ANO4: variants seen among roughly 807,000 people sequenced by gnomAD.
The protein encoded by ANO4 is anoctamin-4.
ANO4 carries 69 observed loss-of-function variants against 141.9 expected under a neutral mutation model. The ratio of observed to expected loss-of-function variants is 0.49; its 90% CI spans 0.40 to 0.59. The LOEUF is 0.59. Among genes scored for constraint, ANO4 ranks in the 20% least tolerant of loss-of-function variants. ANO4 has a pLI of 0.00. For missense variants in ANO4, 894 were observed against 1,162.2 expected (o/e 0.77, Z 3.36); for synonymous variants, 350 against 394.3 (o/e 0.89, Z 1.33).
At chr12:101,067,014 A>AAAAG (rs1473890902) in intron 14 of ANO4, 28 of 580,300 alleles carry the variant, frequency 4.8e-5, no homozygotes, top group African/African-American at 3.6e-4. Context: ...AAAAAAAAAA[A>AAAAG]AAAGAAAGAA....
At chr12:100,859,221 C>T (rs1033053244) in intron 1 of ANO4, 3 of 152,152 alleles carry the variant, frequency 2.0e-5, no homozygotes, top group Non-Finnish European at 4.4e-5. Flanking sequence ...TATGACTTGA[C>T]TTGTTTTAGC....
intron 1 of ANO4, among the ~76,000 whole-genome samples, chr12:100,809,945 A>G (rs1454244452): frequency 1.3e-5 from 2 of 152,124 alleles, no homozygotes; most frequent in African/African-American, 2.4e-5. Flanking sequence ...TCATTCAACA[A>G]TCATTTATTA....
In ANO4 at chr12:100,864,952, C is replaced by G. The variant is rs187420441; in HGVS notation, c.-140-36694C>G. Among the ~76,000 whole-genome samples the G allele has an allele frequency of 7.2e-5, 11 of 152,186 alleles. No homozygotes were observed. In the East Asian group the frequency reaches 1.9e-3, roughly 27 times the overall value. ...AACATGCAGTGTTTGGTTTTCTGTT[C>G]CTGTGTTAGTTTGCTGAGAATGGTT... On this transcript the variant is annotated intron_variant, in intron 1 of 27. Transcript: ENST00000392977.
At chr12:100,922,396 A>G (rs751200728) in intron 3 of ANO4, 66 bp downstream of exon 3, 6 of 1,083,054 alleles carry the variant, frequency 5.5e-6, no homozygotes, top group Non-Finnish European at 6.4e-6. Context: ...TGGGAGGGGT[A>G]ATAAACTAGA....
chr12:101,101,266 TTA>T (rs2050175133), intron 22 of ANO4, among the ~76,000 whole-genome samples: 1 of 152,234 alleles, frequency 6.6e-6, no homozygotes, highest in Non-Finnish European at 1.5e-5. Flanking sequence ...TATTCTCCAT[TTA>T]AATGTAATTG....
intron 1 of ANO4, among the ~76,000 whole-genome samples, chr12:100,834,581 C>T (rs1031006232): frequency 3.3e-5 from 5 of 151,896 alleles, no homozygotes; most frequent in Admixed American, 1.3e-4. Flanking sequence ...TCTGAGGTGC[C>T]GTGTATATAG....
At chr12:100,959,444 T>C (rs1390070035) in intron 5 of ANO4, among the ~76,000 whole-genome samples, 2 of 152,116 alleles carry the variant, frequency 1.3e-5, no homozygotes, top group East Asian at 1.9e-4. Context: ...TCCGTTTCTC[T>C]TCTACACTTC....
At chr12:100,842,215 C>T (rs1397028218) in intron 1 of ANO4, 1 of 152,002 alleles carries the variant, frequency 6.6e-6, no homozygotes, top group Non-Finnish European at 1.5e-5. Context: ...TTTAGTTGAA[C>T]TTTTCTGACA....
intron 8 of ANO4, among the ~76,000 whole-genome samples, chr12:101,013,414 A>G (rs940523905): frequency 1.8e-4 from 28 of 152,168 alleles, no homozygotes; most frequent in African/African-American, 6.0e-4. Context: ...ACACACAACT[A>G]AAGTGGAAGA....
At position 100,979,914 on chromosome 12, in the gene ANO4, G is replaced by C. The variant is rs867959273; in HGVS notation, c.602+5025G>C. Among the ~76,000 whole-genome samples, 6 of 60,380 alleles carry C rather than the reference G, an allele frequency of 9.9e-5. 1 individual carries two copies. The highest frequency in any genetic ancestry group is 1.7e-4 in the Non-Finnish European group (5 of 28,986). 39.6% of individuals were successfully genotyped at this position (60,380 alleles called of 152,430 possible). ...AGCTGACTTTTTTTTTTTTTTTTTT[G>C]TATTTTTAGTAGAGGCAGGGTTTCA... On this transcript the variant is annotated intron_variant, in intron 7 of 27. Coordinates refer to ENST00000392977, the MANE Select transcript of ANO4 (RefSeq NM_001286615.2).
At chr12:101,041,612 A>T (rs1454061361) in intron 11 of ANO4, among the ~76,000 whole-genome samples, 2 of 152,220 alleles carry the variant, frequency 1.3e-5, no homozygotes, top group East Asian at 3.8e-4. Context: ...GCAAAGCCAA[A>T]CAGACGCCAA....
rs2051410288 is a variant in ANO4, at chr12:101,128,305, C to T, written c.*449C>T. The T allele has an allele frequency of 6.6e-6, 1 of 152,580 alleles. No homozygotes were observed. Among genetic ancestry groups the T allele is most frequent in the Admixed American group, 6.5e-5 (1 of 15,272 alleles). The allele number at this position is 152,580 out of a possible 1,614,324, so 9.5% of individuals were successfully genotyped here. A position where few individuals can be genotyped will look rare whatever the true frequency, so the allele number is the denominator to read the frequency against. On this transcript the variant is annotated 3_prime_UTR_variant, in exon 28 of 28. Coordinates refer to ENST00000392977, the MANE Select transcript of ANO4 (RefSeq NM_001286615.2). The stretch of plus-strand genomic sequence containing the variant: ...TCCTAATTCCATGTCACCAACAACA[C>T]AGACAAGACCCTGTTTACAACTTTT...
intron 1 of ANO4, among the ~76,000 whole-genome samples, chr12:100,894,093 A>G (rs1013613087): frequency 6.6e-6 from 1 of 152,146 alleles, no homozygotes; most frequent in African/African-American, 2.4e-5. Context: ...ATGCGCTTAA[A>G]CGCTCAGTTA....
rs115461132 is a variant in ANO4, at chr12:100,942,853, G to A, written c.456+318G>A. On this transcript the variant is annotated intron_variant, in intron 5 of 27. Coordinates refer to ENST00000392977, the MANE Select transcript of ANO4 (RefSeq NM_001286615.2). ...TATATGTAAATGGAGGGTTCTGTTC[G>A]CGTGGATTAAAGAAAACTTTGAGTG... is the stretch of plus-strand genomic sequence containing the variant. 1.5e-3 allele frequency among the ~76,000 whole-genome samples: 225 copies of A among 152,212 alleles called. 2 individuals carry two copies. Among genetic ancestry groups the A allele is most frequent in the African/African-American group, 5.1e-3 (210 of 41,540 alleles).
intron 1 of ANO4, among the ~76,000 whole-genome samples, chr12:100,816,704 A>G (rs1262686668): frequency 1.3e-5 from 2 of 151,980 alleles, no homozygotes; most frequent in Non-Finnish European, 2.9e-5. Flanking sequence ...GTAAAGGTGG[A>G]TGGTTTGGAT....
chr12:100,744,782 T>C (rs17030527), intron 3 of ANO4, among the ~76,000 whole-genome samples: 16,463 of 152,202 alleles, frequency 0.11, 1,157 homozygotes, highest in South Asian at 0.22. Flanking sequence ...ACTGACATTA[T>C]TTCTGCTCAA....
At chr12:100,995,916 G>A (rs1311116266) in intron 8 of ANO4, among the ~76,000 whole-genome samples, 1 of 152,216 alleles carries the variant, frequency 6.6e-6, no homozygotes, top group Non-Finnish European at 1.5e-5. Flanking sequence ...CAGAGCCAGG[G>A]CTCTGGAGCC....
intron 1 of ANO4, among the ~76,000 whole-genome samples, chr12:100,856,725 G>A (rs562747053): frequency 4.3e-4 from 66 of 152,214 alleles, no homozygotes; most frequent in African/African-American, 1.4e-3. Context: ...GCAAAGGCAC[G>A]GGGTAGGAAT....
chr12:100,792,500 A>G (rs932638605), upstream of ANO4, among the ~76,000 whole-genome samples: 3 of 152,256 alleles, frequency 2.0e-5, no homozygotes, highest in African/African-American at 4.8e-5. Flanking sequence ...ATTGACTTGT[A>G]TAAACAATCT....
Sources: gnomAD v4.1 joint callset for allele counts (sites outside exome capture counted in the v4.1 genomes callset) on GRCh38, gnomAD v4.1.1 for gene constraint, MANE v1.5 for transcripts, NCBI Gene and HGNC (gene_info 2026-07-23, HGNC 2026-07-21) for gene names.